ARL13B: variants seen among roughly 807,000 people sequenced by gnomAD.
ARL13B encodes ARF like GTPase 13B.
A neutral mutation model predicts 56.1 loss-of-function variants in ARL13B; 36 were observed. That is an observed-to-expected ratio of 0.64 (90% CI 0.49 to 0.85). The LOEUF (loss-of-function observed/expected upper bound fraction) is 0.85. Among genes scored for constraint, ARL13B ranks in the 40% least tolerant of loss-of-function variants. The pLI, the probability that ARL13B is intolerant of heterozygous loss-of-function variation, is 0.00. For synonymous variants in ARL13B, 178 were observed against 171.1 expected, an observed-to-expected ratio of 1.04 and a Z score of -0.32; for missense variants, 519 against 507.1, an observed-to-expected ratio of 1.02 and a Z score of -0.23.
At chr3:94,032,821 A>T (rs1317069838) in intron 3 of ARL13B, among the ~76,000 whole-genome samples, 1 of 152,180 alleles carries the variant, frequency 6.6e-6, no homozygotes, top group Admixed American at 6.5e-5. Context: ...TAAAGACCTA[A>T]AAAAAGAACT....
In ARL13B at chr3:94,049,603, G is replaced by T. The variant is rs1221716672; in HGVS notation, c.1141+81G>T. 2.9e-5 allele frequency: 30 copies of T among 1,035,130 alleles called. No individual in the cohort carries two copies. The African/African-American group carries it at 3.8e-4, about 13-fold the overall frequency. The allele number at this position is 1,035,130 out of a possible 1,614,324, so 64.1% of individuals were successfully genotyped here. A position where few individuals can be genotyped will look rare whatever the true frequency, so the allele number is the denominator to read the frequency against. On this transcript the variant is annotated intron_variant, in intron 8 of 9. Transcript: ENST00000394222. ...AAAAAAAAAAGAAAAAAGGAATCTT[G>T]TCATTTTTATTCTGTATATTCATTA...
In ARL13B at chr3:94,043,209, A is replaced by T; in HGVS notation, c.993A>T (p.Glu331Asp). Residue 331 changes from glutamate (E) to aspartate (D), a missense_variant, in exon 7 of 10, where the codon GAA becomes GAT. Transcript: ENST00000394222. The stretch of plus-strand genomic sequence containing the variant: ...CATTAACACAGCAGTTAAAGAATGA[A>T]GATGAGACAGACCGGCCATCATTGG... ...KEALTQQLKN[E>D]DETDRPSLES... The T allele has an allele frequency of 2.5e-6, 4 of 1,613,470 alleles. No individual in the cohort carries two copies. Among genetic ancestry groups the T allele is most frequent in the Non-Finnish European group, 3.4e-6 (4 of 1,179,834 alleles).
chr3:94,014,992 G>A (rs1371659734), intron 3 of ARL13B: 2 of 1,613,834 alleles, frequency 1.2e-6, no homozygotes, highest in African/African-American at 2.7e-5. Context: ...CTTTGTAATG[G>A]TAGACTCTCT....
intron 7 of ARL13B, among the ~76,000 whole-genome samples, chr3:94,046,034 A>G (rs1576051895): frequency 6.6e-6 from 1 of 152,024 alleles, no homozygotes; most frequent in East Asian, 1.9e-4. Flanking sequence ...TGACTAGAGG[A>G]TAGACACAGA....
At position 94,054,226 on chromosome 3, in the gene ARL13B, G is replaced by A. The variant is rs1370039640; in HGVS notation, c.*963G>A. Reference sequence around the variant, plus strand: ...CTATGAAATTAAAGGCAGAAAAACTGGAAAACCTACTGCAGGTCCAGAGAC... The same window carrying A: ...CTATGAAATTAAAGGCAGAAAAACTAGAAAACCTACTGCAGGTCCAGAGAC... On this transcript the variant is annotated 3_prime_UTR_variant, in exon 10 of 10. Transcript: ENST00000394222. The A allele has an allele frequency of 2.2e-6, 1 of 452,592 alleles. No individual in the cohort carries two copies. Among genetic ancestry groups the A allele is most frequent in the Admixed American group, 2.4e-5 (1 of 42,522 alleles). The allele number at this position is 452,592 out of a possible 1,614,324, so 28.0% of individuals were successfully genotyped here.
At chr3:94,035,249 A>AG (rs2076746139) in intron 3 of ARL13B, 82 bp from the exon 4 acceptor site, 8 of 1,078,658 alleles carry the variant, frequency 7.4e-6, no homozygotes, top group Non-Finnish European at 1.1e-5. Flanking sequence ...AAAAAAAAAA[A>AG]AAAAAGAATG....
chr3:94,040,080 A>G, intron 6 of ARL13B, 92 bp downstream of exon 6: 1 of 1,055,128 alleles, frequency 9.5e-7, no homozygotes, highest in Admixed American at 2.0e-5. Flanking sequence ...AGGCAGGGAA[A>G]CAGATGTGTT....
chr3:93,992,857 G>T (rs1337225315), intron 1 of ARL13B, among the ~76,000 whole-genome samples: 1 of 151,834 alleles, frequency 6.6e-6, no homozygotes, highest in South Asian at 2.1e-4. Context: ...CAAGTGGTAC[G>T]ATCTTGTCTC....
intron 3 of ARL13B, among the ~76,000 whole-genome samples, chr3:94,018,234 T>A (rs1365422929): frequency 6.7e-6 from 1 of 149,744 alleles, no homozygotes; most frequent in Non-Finnish European, 1.5e-5. Flanking sequence ...TTGCTTTCTA[T>A]ATAGAGAATA....
rs2077104240 is a variant in ARL13B, at chr3:94,053,899, T to C, written c.*636T>C. 3.1e-6 allele frequency: 1 copy of C among 318,566 alleles called. No homozygotes were observed. The highest frequency in any genetic ancestry group is 6.1e-6 in the Non-Finnish European group (1 of 163,736). The allele number at this position is 318,566 out of a possible 1,614,324, so 19.7% of individuals were successfully genotyped here. ...AATAGCGTTGTTCTTTAAGTGTACATCGTAATTTGACCTAATTTAAAAATA... is the reference window on the plus strand; with the variant it reads ...AATAGCGTTGTTCTTTAAGTGTACACCGTAATTTGACCTAATTTAAAAATA... On this transcript the variant is annotated 3_prime_UTR_variant, in exon 10 of 10. Transcript: ENST00000394222.
Position 94,029,301 on chromosome 3 carries a change from C to CATATATATAT in ARL13B, c.381-6005_381-5996dup, listed in dbSNP as rs1242349606. 4.7e-3 allele frequency among the ~76,000 whole-genome samples: 362 copies of CATATATATAT among 77,136 alleles called. 1 individual carries two copies. The highest frequency in any genetic ancestry group is 6.2e-3 in the Non-Finnish European group (279 of 45,072). The allele number at this position is 77,136 out of a possible 152,430, so 50.6% of individuals were successfully genotyped here. ...AGGAAATTGCTGTATCTATCAAAAT[C>CATATATATAT]ATATATATATATATATATATATATA... On this transcript the variant is annotated intron_variant, in intron 3 of 9. Coordinates refer to ENST00000394222, the MANE Select transcript of ARL13B (RefSeq NM_001174150.2).
chr3:93,998,425 C>T (rs908176489), intron 2 of ARL13B, among the ~76,000 whole-genome samples: 5 of 152,066 alleles, frequency 3.3e-5, no homozygotes, highest in Non-Finnish European at 1.5e-5. Context: ...AACTTCGAGC[C>T]CCACTCCCCA....
chr3:94,002,313 C>T (rs1476804177), intron 2 of ARL13B, among the ~76,000 whole-genome samples: 2 of 152,068 alleles, frequency 1.3e-5, no homozygotes, highest in Non-Finnish European at 2.9e-5. Context: ...GTGATCCTTC[C>T]GCCTCAGCCT....
chr3:93,988,891 C>T (rs968450275), intron 1 of ARL13B: 19 of 328,522 alleles, frequency 5.8e-5, no homozygotes, highest in East Asian at 9.0e-5. Context: ...CGCAGATCTC[C>T]TCTTGGGCTC....
intron 3 of ARL13B, among the ~76,000 whole-genome samples, chr3:94,020,773 C>T (rs2076430808): frequency 1.3e-5 from 2 of 152,144 alleles, no homozygotes; most frequent in South Asian, 4.1e-4. Flanking sequence ...GCACTTAAAG[C>T]ATTCTACTAT....
At chr3:94,022,524 AATACAGTT>A (rs1267804236) in intron 3 of ARL13B, among the ~76,000 whole-genome samples, 1 of 151,884 alleles carries the variant, frequency 6.6e-6, no homozygotes, top group Non-Finnish European at 1.5e-5. Context: ...TCCCCCTTTT[AATACAGTT>A]ATATCACAAA....
At chr3:94,049,939 T>C (rs1357977649) in intron 8 of ARL13B, among the ~76,000 whole-genome samples, 1 of 145,466 alleles carries the variant, frequency 6.9e-6, no homozygotes, top group Non-Finnish European at 1.5e-5. Context: ...GATAACCAGG[T>C]GAAGAGTTCG....
At chr3:94,008,003 CACTTT>C (rs2076163428) in intron 3 of ARL13B, among the ~76,000 whole-genome samples, 1 of 152,110 alleles carries the variant, frequency 6.6e-6, no homozygotes, top group Admixed American at 6.6e-5. Flanking sequence ...CCTGATAAGT[CACTTT>C]ACTTCTTTGG....
At chr3:93,982,038 A>G (rs768830488) in intron 1 of ARL13B, among the ~76,000 whole-genome samples, 5 of 152,164 alleles carry the variant, frequency 3.3e-5, no homozygotes, top group Non-Finnish European at 5.9e-5. Flanking sequence ...CTTTTAAGAA[A>G]TGTATTTGGT....
Sources: gnomAD v4.1 joint callset for allele counts (sites outside exome capture counted in the v4.1 genomes callset) on GRCh38, gnomAD v4.1.1 for gene constraint, MANE v1.5 for transcripts, NCBI Gene and HGNC (gene_info 2026-07-23, HGNC 2026-07-21) for gene names.